The following DNM2 variants were observed in gnomAD, a reference collection of about 807,000 sequenced individuals.
The protein encoded by DNM2 is dynamin-2.
In DNM2, 15 loss-of-function variants were observed where a neutral mutation model predicts 99.0. That is an observed-to-expected ratio of 0.15 (90% CI 0.10 to 0.23). DNM2 has a LOEUF of 0.23. Ranked by LOEUF, DNM2 falls within the 10% of genes least tolerant of loss-of-function variation. DNM2 has a pLI of 1.00. For synonymous variants in DNM2, 525 were observed against 481.2 expected (o/e 1.09, Z -1.19); for missense variants, 742 against 1,189.4 (o/e 0.62, Z 5.53).
Position 10,830,086 on chromosome 19 carries a change from T to C in DNM2, c.2292-41T>C. On this transcript the variant is annotated intron_variant, in intron 19 of 20. Coordinates refer to ENST00000389253, the MANE Select transcript of DNM2 (RefSeq NM_001005361.3). This position sits in a 1 kb window ranked among gnomAD's most constrained non-coding sequence, Gnocchi z 4.8. ...ACAGTGGCATGGCGGGGGCTCCTAC[T>C]CCATCTGTATCTGTAGCTCACACCC... is the stretch of plus-strand genomic sequence containing the variant. 6.2e-7 allele frequency: 1 copy of C among 1,613,528 alleles called. No homozygotes were observed.
At chr19:10,771,662 G>A (rs1228745806) in intron 2 of DNM2, among the ~76,000 whole-genome samples, 1 of 152,122 alleles carries the variant, frequency 6.6e-6, no homozygotes, top group African/African-American at 2.4e-5. Context: ...GAACTCCCTT[G>A]ACTGGGACCC....
rs144763522 is a variant in DNM2, at chr19:10,812,351, T to A, written c.1645T>A (p.Ser549Thr). 1.9e-5 allele frequency: 31 copies of A among 1,609,678 alleles called. No homozygotes were observed. The African/African-American group carries it at 3.9e-4, about 20-fold the overall frequency. ...KEYWFVLTAE[S>T]LSWYKDEEEK... ...GTACTGGTTTGTGCTGACTGCCGAG[T>A]CACTGTCCTGGTACAAGGATGAGGA... Residue 549 changes from serine to threonine, a missense_variant, in exon 15 of 21, where the codon TCA becomes ACA. Ser to Thr is a moderately conservative substitution (Grantham distance 58). This residue lies in a region of DNM2 where 240 missense variants were observed against 431.3 expected (regional missense o/e 0.56). Coordinates refer to ENST00000389253, the MANE Select transcript of DNM2 (RefSeq NM_001005361.3). This position sits in a 1 kb window ranked among gnomAD's most constrained non-coding sequence, Gnocchi z 4.0.
At position 10,720,213 on chromosome 19, in the gene DNM2, T is replaced by A. The variant is rs544200923; in HGVS notation, c.161+1810T>A. The stretch of plus-strand genomic sequence containing the variant: ...AAGTTTATTTTATTTTATTTATTTA[T>A]TTATTTTTTTTTTTTTTGAGACAGA... On this transcript the variant is annotated intron_variant, in intron 1 of 20. Transcript: ENST00000389253. Among the ~76,000 whole-genome samples, 1,117 of 144,388 alleles carry A rather than the reference T, an allele frequency of 7.7e-3. 27 individuals are homozygous for A. Among genetic ancestry groups the A allele is most frequent in the African/African-American group, 0.029 (1,054 of 36,968 alleles). The allele number at this position is 144,388 out of a possible 152,430, so 94.7% of individuals were successfully genotyped here.
chr19:10,808,849 G>T, intron 14 of DNM2: 1 of 451,424 alleles, frequency 2.2e-6, no homozygotes, highest in Admixed American at 4.0e-5. Flanking sequence ...TTTCCTGTAG[G>T]TCAGGGATGG....
intron 12 of DNM2, among the ~76,000 whole-genome samples, chr19:10,804,842 A>G (rs550071859): frequency 6.6e-6 from 1 of 152,338 alleles, no homozygotes; most frequent in East Asian, 1.9e-4. Flanking sequence ...CTTATCCTAC[A>G]GCCAACTTGG....
At chr19:10,785,025 T>A (rs529603237) in intron 6 of DNM2, among the ~76,000 whole-genome samples, 6 of 152,154 alleles carry the variant, frequency 3.9e-5, no homozygotes, top group African/African-American at 1.4e-4. Flanking sequence ...GGTTTCACCA[T>A]GTTGGCCAGG....
At chr19:10,784,409 T>A (rs1599548534) in intron 6 of DNM2, among the ~76,000 whole-genome samples, 1 of 151,742 alleles carries the variant, frequency 6.6e-6, no homozygotes, top group African/African-American at 2.4e-5. Context: ...GAAGCTGGGG[T>A]GCTTACAAAC....
chr19:10,737,584 C>T (rs2145742847), intron 1 of DNM2, among the ~76,000 whole-genome samples: 1 of 152,270 alleles, frequency 6.6e-6, no homozygotes, highest in South Asian at 2.1e-4. Context: ...TTCCCGGGTT[C>T]AAGCGATTCT....
At chr19:10,800,715 C>T (rs2072105359) in intron 11 of DNM2, among the ~76,000 whole-genome samples, 1 of 152,258 alleles carries the variant, frequency 6.6e-6, no homozygotes, top group South Asian at 2.1e-4. Context: ...AGCGCCTCCT[C>T]CCCAGCAGCC....
chr19:10,795,692 C>A lies in DNM2; in HGVS notation c.1196+253C>A. On this transcript the variant is annotated intron_variant, in intron 9 of 20. Transcript: ENST00000389253. This position sits in a 1 kb window ranked among gnomAD's most constrained non-coding sequence, Gnocchi z 4.2. ...GATCAAATAGGGCTTAGTTCCTGCC[C>A]AGTCGGTTGGTGTGAACCTCATGCT... is the stretch of plus-strand genomic sequence containing the variant. The A allele has an allele frequency of 1.7e-6, 1 of 589,322 alleles. No individual in the cohort carries two copies. Among genetic ancestry groups the A allele is most frequent in the Non-Finnish European group, 3.0e-6 (1 of 331,398 alleles). The allele number at this position is 589,322 out of a possible 1,614,324, so 36.5% of individuals were successfully genotyped here. A position where few individuals can be genotyped will look rare whatever the true frequency, so the allele number is the denominator to read the frequency against.
At chr19:10,718,435 T>C (rs2145638247) in intron 1 of DNM2, 32 bp downstream of exon 1, 1 of 1,415,808 alleles carries the variant, frequency 7.1e-7, no homozygotes, top group Non-Finnish European at 9.2e-7. Flanking sequence ...CGCGGGCGGG[T>C]GGCGGCCTAG....
intron 1 of DNM2, among the ~76,000 whole-genome samples, chr19:10,732,518 T>A (rs1051004576): frequency 1.3e-5 from 2 of 151,604 alleles, no homozygotes; most frequent in Admixed American, 6.6e-5. Flanking sequence ...GAGAATGGTG[T>A]GAACCCAGGA....
At chr19:10,792,962 C>T (rs1168842499) in intron 7 of DNM2, among the ~76,000 whole-genome samples, 1 of 152,008 alleles carries the variant, frequency 6.6e-6, no homozygotes, top group Non-Finnish European at 1.5e-5. Context: ...AGGGTGGTCT[C>T]GAACTCCCAG....
intron 15 of DNM2, among the ~76,000 whole-genome samples, chr19:10,813,307 C>T (rs1379784919): frequency 1.3e-5 from 2 of 152,242 alleles, no homozygotes; most frequent in Non-Finnish European, 2.9e-5. Context: ...AGCAAGGATA[C>T]TGCCAACCGG....
In DNM2 at chr19:10,793,777, G is replaced by A. The variant is rs757266860; in HGVS notation, c.1050G>A (p.Gln350=). The stretch of plus-strand genomic sequence containing the variant: ...AGAGGATCGAGGGCTCAGGAGATCA[G>A]GTGGACACTCTGGAGCTCTCCGGGG... ...FEKRIEGSGD[Q]VDTLELSGGA... The change falls in exon 8 of 21, where the codon CAG becomes CAA. Residue 350 remains glutamine (Q), a synonymous_variant. Transcript: ENST00000389253. The A allele has an allele frequency of 1.9e-6, 3 of 1,614,042 alleles. No homozygotes were observed. Among genetic ancestry groups the A allele is most frequent in the Non-Finnish European group, 2.5e-6 (3 of 1,180,040 alleles).
intron 1 of DNM2, among the ~76,000 whole-genome samples, chr19:10,726,389 A>T (rs1286526882): frequency 5.3e-5 from 8 of 151,834 alleles, no homozygotes; most frequent in African/African-American, 1.5e-4. Context: ...AAGAGAAGGA[A>T]CTCATCATTA....
At chr19:10,780,510 A>T (rs1215195384) in intron 5 of DNM2, among the ~76,000 whole-genome samples, 1 of 152,002 alleles carries the variant, frequency 6.6e-6, no homozygotes, top group African/African-American at 2.4e-5. Flanking sequence ...GTTTCTAAGA[A>T]CGAAGGCGCT....
chr19:10,718,538 G>C, intron 1 of DNM2, 135 bp downstream of exon 1: 6 of 1,207,742 alleles, frequency 5.0e-6, no homozygotes, highest in Non-Finnish European at 6.2e-6. Flanking sequence ...ACGGGGTCGG[G>C]GAGGCGGGCC....
rs1421052050 is a variant in DNM2 at position 10,811,246 on chromosome 19, G to T, written c.1558-1018G>T. 2.2e-5 allele frequency: 4 copies of T among 179,634 alleles called. No individual in the cohort carries two copies. The highest frequency in any genetic ancestry group is 4.8e-5 in the Non-Finnish European group (4 of 83,832). The allele number at this position is 179,634 out of a possible 1,614,324, so 11.1% of individuals were successfully genotyped here. A position where few individuals can be genotyped will look rare whatever the true frequency, so the allele number is the denominator to read the frequency against. On this transcript the variant is annotated intron_variant, in intron 14 of 20. Transcript: ENST00000389253. This position sits in a 1 kb window ranked among gnomAD's most constrained non-coding sequence, Gnocchi z 5.4. ...TTAGCACTCACATCCAGCCACCAAG[G>T]AGCCGCTGGAGCTGTGGGCTGGTGG...
Sources: gnomAD v4.1 joint callset for allele counts (sites outside exome capture counted in the v4.1 genomes callset) on GRCh38, gnomAD v4.1.1 for gene constraint, gnomAD v4.1.1 regional missense constraint, Gnocchi (gnomAD v3.1) non-coding constraint, MANE v1.5 for transcripts, NCBI Gene and HGNC (gene_info 2026-07-23, HGNC 2026-07-21) for gene names.